The following CDH9 variants were observed in gnomAD, a reference collection of about 807,000 sequenced individuals.
CDH9 encodes cadherin-9.
A neutral mutation model predicts 70.9 loss-of-function variants in CDH9; 28 were observed. That is an observed-to-expected ratio of 0.40 (90% CI 0.29 to 0.54). CDH9 has a LOEUF of 0.54. Among genes scored for constraint, CDH9 ranks in the 20% least tolerant of loss-of-function variants. CDH9 has a pLI of 0.59. For synonymous variants in CDH9, 409 were observed against 343.1 expected, an observed-to-expected ratio of 1.19 and a Z score of -2.12; for missense variants, 874 against 984.4, an observed-to-expected ratio of 0.89 and a Z score of 1.50.
chr5:27,004,568 A>C (rs552718995), intron 1 of CDH9, among the ~76,000 whole-genome samples: 1 of 152,272 alleles, frequency 6.6e-6, no homozygotes, highest in East Asian at 1.9e-4. Flanking sequence ...CTGGTCAACA[A>C]AAGGCAAGGA....
chr5:26,909,078 G>A (rs986965340), intron 3 of CDH9, among the ~76,000 whole-genome samples: 1 of 152,092 alleles, frequency 6.6e-6, no homozygotes, highest in African/African-American at 2.4e-5. Context: ...CCGCCTCCCG[G>A]GTTCACGCCA....
At chr5:26,896,736 C>G (rs1391925035) in intron 7 of CDH9, among the ~76,000 whole-genome samples, 1 of 151,794 alleles carries the variant, frequency 6.6e-6, no homozygotes, top group African/African-American at 2.4e-5. Context: ...AAACTTGACA[C>G]CCAAACATCA....
chr5:26,881,589 T>C lies in CDH9; in HGVS notation c.1917A>G (p.Gln639=). Residue 639 remains glutamine, a synonymous_variant, in exon 12 of 12, where the codon CAA becomes CAG. Coordinates refer to ENST00000231021, the MANE Select transcript of CDH9 (RefSeq NM_016279.4). ...AAATTATCAGAGGTTCCTTTTTTCT[T>C]TGCCTCTTCAATGCAGCAAACAACA... ...LVVLFAALKR[Q]RKKEPLIISK... The C allele has an allele frequency of 6.2e-7, 1 of 1,611,924 alleles. No homozygotes were observed. The highest frequency in any genetic ancestry group is 1.7e-4 in the Middle Eastern group (1 of 6,048).
intron 2 of CDH9, among the ~76,000 whole-genome samples, chr5:26,974,346 C>CTT (rs35087435): frequency 3.0e-4 from 45 of 151,138 alleles, no homozygotes; most frequent in African/African-American, 9.5e-4. Flanking sequence ...ATGATAGGTG[C>CTT]TTTTTTTTTA....
intron 1 of CDH9, among the ~76,000 whole-genome samples, chr5:27,036,310 T>C (rs1019247706): frequency 1.3e-4 from 19 of 151,850 alleles, no homozygotes; most frequent in African/African-American, 4.4e-4. Context: ...AACAAATCCC[T>C]CCATGTAAGG....
intron 2 of CDH9, among the ~76,000 whole-genome samples, chr5:26,952,222 C>T (rs1196771883): frequency 6.7e-6 from 1 of 149,964 alleles, no homozygotes. Flanking sequence ...CCTTGGCCTC[C>T]TAAAGTGCTG....
intron 2 of CDH9, among the ~76,000 whole-genome samples, chr5:26,948,204 A>G (rs116247104): frequency 0.018 from 2,678 of 152,354 alleles, 94 homozygotes; most frequent in African/African-American, 0.061. Context: ...AGGAAACAGC[A>G]AGAACAACAA....
intron 2 of CDH9, among the ~76,000 whole-genome samples, chr5:26,935,984 G>A (rs1381930007): frequency 6.6e-6 from 1 of 152,108 alleles, no homozygotes; most frequent in African/African-American, 2.4e-5. Flanking sequence ...ATTATGGAAA[G>A]GCCAAATAAT....
chr5:26,950,652 C>A (rs1366840861), intron 2 of CDH9, among the ~76,000 whole-genome samples: 5 of 151,950 alleles, frequency 3.3e-5, no homozygotes, highest in Admixed American at 6.6e-5. Context: ...ATTACACATT[C>A]CATAAATACT....
At chr5:26,894,523 C>T (rs1344919345) in intron 7 of CDH9, among the ~76,000 whole-genome samples, 2 of 152,006 alleles carry the variant, frequency 1.3e-5, no homozygotes, top group African/African-American at 4.8e-5. Context: ...ACTTTGACAG[C>T]GCCAACTTCC....
intron 2 of CDH9, among the ~76,000 whole-genome samples, chr5:26,972,259 C>T (rs1030170510): frequency 9.2e-5 from 14 of 152,090 alleles, no homozygotes; most frequent in Admixed American, 2.0e-4. Context: ...GAAAGATTGA[C>T]GGCTGTCAGC....
At chr5:27,029,410 T>G (rs938387644) in intron 1 of CDH9, among the ~76,000 whole-genome samples, 5 of 151,954 alleles carry the variant, frequency 3.3e-5, no homozygotes, top group African/African-American at 1.2e-4. Context: ...TTAATGCTAT[T>G]AAATAGAGGT....
At chr5:26,941,964 G>A (rs1741669715) in intron 2 of CDH9, among the ~76,000 whole-genome samples, 2 of 152,166 alleles carry the variant, frequency 1.3e-5, no homozygotes, top group East Asian at 3.9e-4. Flanking sequence ...TGCATGCTAA[G>A]GTGCTAGCTA....
intron 11 of CDH9, 116 bp from the exon 12 acceptor site, chr5:26,881,739 G>T (rs1740469378): frequency 4.5e-6 from 4 of 881,658 alleles, no homozygotes; most frequent in East Asian, 2.6e-5. Flanking sequence ...CGAATAAAAA[G>T]AATTAACTAC....
intron 2 of CDH9, among the ~76,000 whole-genome samples, chr5:26,967,385 G>A (rs1309303234): frequency 2.0e-5 from 3 of 152,044 alleles, no homozygotes; most frequent in Non-Finnish European, 4.4e-5. Context: ...TGAGTTTCAG[G>A]ACCAGGAGTC....
chr5:26,911,667 A>T (rs1327790283), intron 3 of CDH9, among the ~76,000 whole-genome samples: 2 of 18,208 alleles, frequency 1.1e-4, no homozygotes, highest in African/African-American at 1.3e-4. Context: ...TAGTGTAATG[A>T]TCACAAGAAA....
intron 2 of CDH9, among the ~76,000 whole-genome samples, chr5:26,919,086 A>G (rs1227116105): frequency 6.6e-6 from 1 of 152,140 alleles, no homozygotes; most frequent in Non-Finnish European, 1.5e-5. Flanking sequence ...CTATCCACAA[A>G]AAAGCTTTCA....
rs191750031 is a variant in CDH9, at chr5:26,914,567, G to A, written c.523+1063C>T. Among the ~76,000 whole-genome samples the A allele has an allele frequency of 1.2e-4, 18 of 152,016 alleles. No individual in the cohort carries two copies. The East Asian group carries it at 3.1e-3, about 26-fold the overall frequency. ...AGTGCTATTTCAGTTCTATTTAACT[G>A]TGTTTTCCTCAATTAGATGACATTT... On this transcript the variant is annotated intron_variant, in intron 3 of 11. Transcript: ENST00000231021.
intron 7 of CDH9, among the ~76,000 whole-genome samples, chr5:26,895,393 G>A (rs1455776414): frequency 6.6e-6 from 1 of 151,908 alleles, no homozygotes; most frequent in Admixed American, 6.6e-5. Context: ...TATGAGAGAA[G>A]CACCACTATA....
Sources: gnomAD v4.1 joint callset for allele counts (sites outside exome capture counted in the v4.1 genomes callset) on GRCh38, gnomAD v4.1.1 for gene constraint, MANE v1.5 for transcripts, NCBI Gene and HGNC (gene_info 2026-07-23, HGNC 2026-07-21) for gene names.